GADL1: variants seen among roughly 807,000 people sequenced by gnomAD.
GADL1 encodes the protein GAD like acidic amino acid decarboxylase 1, also known as acidic amino acid decarboxylase GADL1.
In GADL1, 71 loss-of-function variants were observed where a neutral mutation model predicts 69.5. The ratio of observed to expected loss-of-function variants is 1.02; its 90% confidence interval spans 0.84 to 1.25. The LOEUF (loss-of-function observed/expected upper bound fraction) is 1.25. Ranked by LOEUF, GADL1 falls within the 50% of genes most tolerant of loss-of-function variation. The pLI is 0.00. For missense variants in GADL1, 737 were observed against 631.8 expected (o/e 1.17, Z -1.79); for synonymous variants, 254 against 214.4 (o/e 1.18, Z -1.62).
intron 14 of GADL1, among the ~76,000 whole-genome samples, chr3:30,736,506 A>T (rs1446467678): frequency 6.6e-6 from 1 of 152,196 alleles, no homozygotes; most frequent in African/African-American, 2.4e-5. Context: ...ATAAATTTGT[A>T]TTTAATCAAT....
At chr3:30,765,508 TACAAG>T (rs1696255265) in intron 14 of GADL1, among the ~76,000 whole-genome samples, 1 of 152,204 alleles carries the variant, frequency 6.6e-6, no homozygotes, top group Non-Finnish European at 1.5e-5. Context: ...TGTGAAAACA[TACAAG>T]GACAATCAAC....
Position 30,783,792 on chromosome 3 carries a change from C to T in GADL1, c.1302+2563G>A, listed in dbSNP as rs189750278. 3.9e-5 allele frequency among the ~76,000 whole-genome samples: 6 copies of T among 152,300 alleles called. 1 individual carries two copies. Among genetic ancestry groups the T allele is most frequent in the African/African-American group, 7.2e-5 (3 of 41,568 alleles). ...CCAGGGGCAGAAGGCTGACTAAAATCCCACCTTAGCTTTCATTGCAAGGAC... is the reference window on the plus strand; with the variant it reads ...CCAGGGGCAGAAGGCTGACTAAAATTCCACCTTAGCTTTCATTGCAAGGAC... On this transcript the variant is annotated intron_variant, in intron 13 of 14. Transcript: ENST00000282538.
Position 30,812,232 on chromosome 3 carries a change from A to G in GADL1, c.1051-11144T>C, listed in dbSNP as rs1697371567. On this transcript the variant is annotated intron_variant, in intron 11 of 14. Transcript: ENST00000282538. ...AGGAAAAAAAGAAGCTCCAAACTAT[A>G]AAACCTAAGTCTATGGGTTATGTAC... 1.2e-4 allele frequency among the ~76,000 whole-genome samples: 18 copies of G among 152,332 alleles called. 3 individuals carry two copies. The South Asian group carries it at 3.7e-3, about 32-fold the overall frequency.
chr3:30,754,620 G>A (rs951830599), intron 14 of GADL1, among the ~76,000 whole-genome samples: 1 of 118,042 alleles, frequency 8.5e-6, no homozygotes, highest in African/African-American at 5.0e-5. Flanking sequence ...GACTGTAAAT[G>A]AGCCAAGAAT....
intron 1 of GADL1, among the ~76,000 whole-genome samples, chr3:30,863,911 T>C (rs1698358448): frequency 2.0e-5 from 3 of 151,984 alleles, no homozygotes; most frequent in African/African-American, 7.2e-5. Context: ...CAGATAAAAA[T>C]GTTACAGGAA....
chr3:30,880,729 G>C (rs1336165795), intron 1 of GADL1, among the ~76,000 whole-genome samples: 2 of 151,868 alleles, frequency 1.3e-5, no homozygotes, highest in Non-Finnish European at 2.9e-5. Flanking sequence ...GTATCCACAG[G>C]AGGTCCTGGA....
intron 11 of GADL1, among the ~76,000 whole-genome samples, chr3:30,822,302 A>AG (rs1423055607): frequency 1.3e-5 from 2 of 152,022 alleles, no homozygotes; most frequent in African/African-American, 4.8e-5. Flanking sequence ...GACTGAGATG[A>AG]GGGAGGAGGT....
At chr3:30,765,607 C>T (rs1486883426) in intron 14 of GADL1, among the ~76,000 whole-genome samples, 2 of 152,192 alleles carry the variant, frequency 1.3e-5, no homozygotes, top group Admixed American at 6.5e-5. Flanking sequence ...CTCAGAAGGG[C>T]ATGCTTGGTT....
At chr3:30,784,154 TATA>T (rs1696736844) in intron 13 of GADL1, among the ~76,000 whole-genome samples, 1 of 152,230 alleles carries the variant, frequency 6.6e-6, no homozygotes, top group Non-Finnish European at 1.5e-5. Flanking sequence ...CTTACATGTT[TATA>T]ATGCCATTAT....
chr3:30,847,465 G>A (rs902551164), intron 6 of GADL1, among the ~76,000 whole-genome samples: 3 of 152,144 alleles, frequency 2.0e-5, no homozygotes, highest in African/African-American at 7.2e-5. Flanking sequence ...GACTAACGCA[G>A]AGTTTAAGAC....
At position 30,857,005 on chromosome 3, in the gene GADL1, A is replaced by T; in HGVS notation, c.337+10T>A. ...AGGTACAGATCAAGGAAGTAAATTA[A>T]AGTTCTTACTAGTTTTGACACTGTA... On this transcript the variant is annotated intron_variant, in intron 3 of 14. Coordinates refer to ENST00000282538, the MANE Select transcript of GADL1 (RefSeq NM_207359.3). The T allele has an allele frequency of 6.5e-7, 1 of 1,547,460 alleles. No homozygotes were observed. Among genetic ancestry groups the T allele is most frequent in the South Asian group, 1.2e-5 (1 of 83,834 alleles).
chr3:30,817,537 C>T (rs1697496960), intron 11 of GADL1, among the ~76,000 whole-genome samples: 1 of 152,142 alleles, frequency 6.6e-6, no homozygotes, highest in African/African-American at 2.4e-5. Flanking sequence ...ATTACAGTGG[C>T]TAATCCTCTA....
intron 1 of GADL1, among the ~76,000 whole-genome samples, chr3:30,876,414 G>A (rs896632427): frequency 1.7e-4 from 16 of 96,190 alleles, no homozygotes; most frequent in African/African-American, 7.2e-4. Flanking sequence ...CTATTTCTAT[G>A]GTGTAAAGAC....
chr3:30,822,051 G>C (rs1467405712), intron 11 of GADL1, among the ~76,000 whole-genome samples: 1 of 151,928 alleles, frequency 6.6e-6, no homozygotes, highest in East Asian at 1.9e-4. Context: ...GTTTCACTTG[G>C]TACACCTAAT....
At chr3:30,862,039 T>C (rs757918908) in intron 1 of GADL1, among the ~76,000 whole-genome samples, 4 of 151,918 alleles carry the variant, frequency 2.6e-5, no homozygotes, top group Non-Finnish European at 5.9e-5. Context: ...TCATGGAGTA[T>C]ATGACCTCCT....
At chr3:30,831,511 C>T (rs957509471) in intron 11 of GADL1, among the ~76,000 whole-genome samples, 1 of 151,900 alleles carries the variant, frequency 6.6e-6, no homozygotes, top group Non-Finnish European at 1.5e-5. Flanking sequence ...CACTTGATAT[C>T]GCAAAGTCTG....
At chr3:30,846,807 C>A (rs531718354) in intron 6 of GADL1, among the ~76,000 whole-genome samples, 1 of 152,124 alleles carries the variant, frequency 6.6e-6, no homozygotes, top group Non-Finnish European at 1.5e-5. Flanking sequence ...GACCTGCAAT[C>A]ACATCCCATC....
intron 11 of GADL1, among the ~76,000 whole-genome samples, chr3:30,816,566 TG>T (rs1697477908): frequency 1.7e-5 from 2 of 115,964 alleles, no homozygotes; most frequent in African/African-American, 7.5e-5. Flanking sequence ...TTTTTTTTTT[TG>T]AGACAGTCTT....
chr3:30,786,562 C>T (rs887428598), intron 12 of GADL1, among the ~76,000 whole-genome samples, 156 bp from the exon 13 acceptor site: 4 of 152,142 alleles, frequency 2.6e-5, no homozygotes, highest in Non-Finnish European at 5.9e-5. Context: ...ATAAATACTC[C>T]AGACCTACTG....
Sources: allele counts gnomAD v4.1 joint callset (sites outside exome capture counted in the v4.1 genomes callset), GRCh38; gene constraint gnomAD v4.1.1; transcripts MANE v1.5; gene names NCBI Gene and HGNC (gene_info 2026-07-23, HGNC 2026-07-21).